Variants in MYO7B observed in about 807,000 individuals in gnomAD.
The protein encoded by MYO7B is myosin VIIB.
Under a neutral mutation model 259.7 loss-of-function variants are expected in MYO7B, and 212 were observed. The observed-to-expected ratio is 0.82, with a 90% confidence interval of 0.73 to 0.91. The LOEUF is 0.91. MYO7B is among the 40% of genes least tolerant of loss of function. The pLI is 0.00. For synonymous variants in MYO7B, 1,197 were observed against 1,166.4 expected, an observed-to-expected ratio of 1.03 and a Z score of -0.54; for missense variants, 2,732 against 2,813.5, an observed-to-expected ratio of 0.97 and a Z score of 0.66.
At chr2:127,537,372 G>C (rs1463935460) in intron 1 of MYO7B, among the ~76,000 whole-genome samples, 1 of 152,148 alleles carries the variant, frequency 6.6e-6, no homozygotes, top group Non-Finnish European at 1.5e-5. Flanking sequence ...ATTTTGGTCT[G>C]GTCTGTTGGC....
rs1341545686 is a variant in MYO7B at position 127,634,296 on chromosome 2, C to CGGGCTG, written c.5625+16_5625+21dup. 6.4e-7 allele frequency: 1 copy of CGGGCTG among 1,559,384 alleles called. No homozygotes were observed. The highest frequency in any genetic ancestry group is 8.7e-7 in the Non-Finnish European group (1 of 1,154,348). On this transcript the variant is annotated splice_region_variant and intron_variant, in intron 41 of 47. Transcript: ENST00000409816. Reference sequence around the variant, plus strand: ...CATCAAGATTTCAGACAAGGTGGGCCGGGCTGGGGCTGGGCAGACGGTGGG... The same window carrying CGGGCTG: ...CATCAAGATTTCAGACAAGGTGGGCCGGGCTGGGGCTGGGGCTGGGCAGACGGTGGG...
At chr2:127,573,125 C>T (rs551675217) in intron 6 of MYO7B, among the ~76,000 whole-genome samples, 1 of 152,274 alleles carries the variant, frequency 6.6e-6, no homozygotes, top group East Asian at 1.9e-4. Flanking sequence ...CCTACTTCCC[C>T]AAGGAACCCT....
chr2:127,621,787 A>G (rs1406416918), intron 27 of MYO7B, among the ~76,000 whole-genome samples, 195 bp from the exon 28 acceptor site: 1 of 152,188 alleles, frequency 6.6e-6, no homozygotes, highest in East Asian at 1.9e-4. Flanking sequence ...CATCAAGACT[A>G]TGCACCGTTT....
chr2:127,625,592 G>T (rs1192451890), intron 31 of MYO7B, 57 bp downstream of exon 31: 2 of 1,495,588 alleles, frequency 1.3e-6, no homozygotes, highest in South Asian at 1.4e-5. Context: ...GGAGGTGGGG[G>T]GGCTCATGGT....
chr2:127,588,359 C>T (rs1679383257), intron 14 of MYO7B, 33 bp from the exon 15 acceptor site: 4 of 1,607,930 alleles, frequency 2.5e-6, no homozygotes, highest in Non-Finnish European at 2.5e-6. Context: ...GATGGCTAAG[C>T]TGGGATGCTG....
At position 127,622,004 on chromosome 2, in the gene MYO7B, A is replaced by G. The variant is rs1020985138; in HGVS notation, c.3548A>G (p.Gln1183Arg). Residue 1183 changes from glutamine (Q) to arginine (R), a missense_variant, in exon 28 of 48, where the codon CAA becomes CGA. Gln to Arg is a conservative substitution (Grantham distance 43). Coordinates refer to ENST00000409816, the MANE Select transcript of MYO7B (RefSeq NM_001393586.1). ...CAGTATCTACTGAACTTCATCGGCC[A>G]AGGGCCGGCGACCTACGGCCCCTTC... is the stretch of plus-strand genomic sequence containing the variant. Reference protein sequence around the residue: ...FMKYLLNFIGQGPATYGPFCA... With the variant: ...FMKYLLNFIGRGPATYGPFCA... 1 of 1,551,752 alleles carries G rather than the reference A, an allele frequency of 6.4e-7. No individual in the cohort carries two copies.
chr2:127,536,649 C>A (rs546816986), intron 1 of MYO7B, among the ~76,000 whole-genome samples: 1 of 152,310 alleles, frequency 6.6e-6, no homozygotes, highest in African/African-American at 2.4e-5. Context: ...GTGGGGCCCC[C>A]AACCCAGATC....
intron 39 of MYO7B, 142 bp from the exon 40 acceptor site, chr2:127,633,112 ACATG>A: frequency 7.9e-6 from 5 of 632,728 alleles, no homozygotes; most frequent in Non-Finnish European, 1.4e-5. Context: ...AGCCCCCAGG[ACATG>A]CGAGGGGCTG....
rs1018837402 is a variant in MYO7B at position 127,539,206 on chromosome 2, T to C, written c.-24+3375T>C. 1.3e-5 allele frequency among the ~76,000 whole-genome samples: 2 copies of C among 152,180 alleles called. No individual in the cohort carries two copies. Among genetic ancestry groups the C allele is most frequent in the Non-Finnish European group, 2.9e-5 (2 of 68,044 alleles). ...GAGTGATATGAGGCAGCTTACAGTATACCTATAATACAACAGAATCAAAAA... is the reference window on the plus strand; with the variant it reads ...GAGTGATATGAGGCAGCTTACAGTACACCTATAATACAACAGAATCAAAAA... On this transcript the variant is annotated intron_variant, in intron 1 of 47. Coordinates refer to ENST00000409816, the MANE Select transcript of MYO7B (RefSeq NM_001393586.1). The surrounding 1 kb of genome is among the most constrained non-coding windows in gnomAD (Gnocchi z 4.0).
At chr2:127,593,708 C>G (rs1490982645) in intron 18 of MYO7B, 64 bp downstream of exon 18, 1 of 1,469,070 alleles carries the variant, frequency 6.8e-7, no homozygotes, top group Non-Finnish European at 9.5e-7. Flanking sequence ...TCAGCTCTTG[C>G]ACCAGGCCCG....
At chr2:127,633,667 A>T (rs1199673057) in intron 40 of MYO7B, among the ~76,000 whole-genome samples, 3 of 152,144 alleles carry the variant, frequency 2.0e-5, no homozygotes, top group African/African-American at 7.2e-5. Flanking sequence ...GCTTCTGACC[A>T]TCTGGGGTGC....
rs769908533 is a variant in MYO7B, at chr2:127,605,949, G to A, written c.2424+21G>A. 3.6e-5 allele frequency: 53 copies of A among 1,456,916 alleles called. 1 individual carries two copies. Among genetic ancestry groups the A allele is most frequent in the Admixed American group, 1.8e-4 (8 of 44,524 alleles). The allele number at this position is 1,456,916 out of a possible 1,614,324, so 90.2% of individuals were successfully genotyped here. ...AGCTGGTGAGAGAGCTCTCTGGGGC[G>A]GCTGGGCCGCGGGACCAGCGGGTAA... On this transcript the variant is annotated intron_variant, in intron 20 of 47. Transcript: ENST00000409816.
At position 127,552,069 on chromosome 2, in the gene MYO7B, G is replaced by A. The variant is rs555910106; in HGVS notation, c.-23-7631G>A. The stretch of plus-strand genomic sequence containing the variant: ...ATCACAGTATTCGCAGGAGGGTGAC[G>A]GACCACAGGGGCCCACGTCATGTAT... On this transcript the variant is annotated intron_variant, in intron 1 of 47. Transcript: ENST00000409816. Among the ~76,000 whole-genome samples the A allele has an allele frequency of 2.6e-5, 4 of 152,286 alleles. 1 individual carries two copies. Among genetic ancestry groups the A allele is most frequent in the African/African-American group, 9.6e-5 (4 of 41,550 alleles).
intron 16 of MYO7B, among the ~76,000 whole-genome samples, chr2:127,592,016 AT>A (rs1412263707): frequency 6.6e-6 from 1 of 152,162 alleles, no homozygotes; most frequent in Non-Finnish European, 1.5e-5. Flanking sequence ...TCATTTAACT[AT>A]TGTGAGGGAG....
At chr2:127,617,193 A>C (rs1373170013) in intron 26 of MYO7B, among the ~76,000 whole-genome samples, 1 of 152,212 alleles carries the variant, frequency 6.6e-6, no homozygotes, top group East Asian at 1.9e-4. Context: ...CACGAAAGAC[A>C]AAGCTAAAGT....
chr2:127,536,160 G>A (rs1420388231), intron 1 of MYO7B, among the ~76,000 whole-genome samples: 2 of 152,178 alleles, frequency 1.3e-5, no homozygotes, highest in Non-Finnish European at 2.9e-5. Context: ...ACAGCTAGAG[G>A]GCCTCACTGT....
chr2:127,543,303 A>G (rs1217143591), intron 1 of MYO7B, among the ~76,000 whole-genome samples: 1 of 151,536 alleles, frequency 6.6e-6, no homozygotes, highest in East Asian at 1.9e-4. Context: ...GTGACTTTTA[A>G]CAGGCATACG....
At chr2:127,578,080 G>T (rs533049415) in intron 8 of MYO7B, 53 bp from the exon 9 acceptor site, 2 of 1,603,552 alleles carry the variant, frequency 1.2e-6, no homozygotes, top group African/African-American at 2.7e-5. Flanking sequence ...GTCCCAGGAG[G>T]GAGGTGGTGG....
intron 9 of MYO7B, 144 bp from the exon 10 acceptor site, chr2:127,580,602 G>T: frequency 1.4e-6 from 1 of 738,438 alleles, no homozygotes; most frequent in East Asian, 2.7e-5. Flanking sequence ...CTCAAAGAGA[G>T]GACACTGGGA....
Sources: allele counts gnomAD v4.1 joint callset (sites outside exome capture counted in the v4.1 genomes callset), GRCh38; gene constraint gnomAD v4.1.1; non-coding constraint Gnocchi (gnomAD v3.1); transcripts MANE v1.5; gene names NCBI Gene and HGNC (gene_info 2026-07-23, HGNC 2026-07-21).